The following CCDC175 variants were observed in gnomAD, a reference collection of about 807,000 sequenced individuals.
CCDC175 encodes coiled-coil domain containing 175, also known as coiled-coil domain-containing protein 175.
A neutral mutation model predicts 114.6 loss-of-function variants in CCDC175; 100 were observed. That is an observed-to-expected ratio of 0.87 (90% confidence interval 0.74 to 1.03). The LOEUF (loss-of-function observed/expected upper bound fraction) is 1.03, where lower values mean the gene tolerates loss of function less well. Ranked by LOEUF, CCDC175 falls within the 50% of genes least tolerant of loss-of-function variation. The pLI, the probability that CCDC175 is intolerant of heterozygous loss-of-function variation, is 0.00. For synonymous variants in CCDC175, 306 were observed against 308.7 expected (o/e 0.99, Z 0.09); for missense variants, 880 against 917.8 (o/e 0.96, Z 0.53).
chr14:59,563,648 C>G, intron 6 of CCDC175, 89 bp downstream of exon 6: 1 of 797,096 alleles, frequency 1.3e-6, no homozygotes, highest in Admixed American at 4.4e-5. Flanking sequence ...ATCCTCTCAG[C>G]ATGACATGAA....
chr14:59,570,870 C>T (rs780354510), intron 3 of CCDC175, among the ~76,000 whole-genome samples: 2 of 152,130 alleles, frequency 1.3e-5, no homozygotes, highest in Admixed American at 6.5e-5. Context: ...TCCTGAGTAG[C>T]GGGGACTACA....
At chr14:59,522,241 T>C (rs1357569972) in intron 16 of CCDC175, among the ~76,000 whole-genome samples, 1 of 152,220 alleles carries the variant, frequency 6.6e-6, no homozygotes, top group Non-Finnish European at 1.5e-5. Flanking sequence ...TCTGGAAATA[T>C]GGGCTTTGGG....
Position 59,572,776 on chromosome 14 carries a change from A to T in CCDC175, c.281T>A (p.Ile94Asn). 2.0e-6 allele frequency: 3 copies of T among 1,518,294 alleles called. No individual in the cohort carries two copies. Among genetic ancestry groups the T allele is most frequent in the East Asian group, 2.5e-5 (1 of 39,940 alleles). 94.1% of individuals were successfully genotyped at this position (1,518,294 alleles called of 1,614,324 possible). Residue 94 changes from isoleucine to asparagine, a missense_variant, in exon 3 of 20, where the codon ATT (isoleucine) becomes AAT (asparagine). By Grantham distance (149) the Ile-to-Asn change is moderately radical (BLOSUM62 -3). Transcript: ENST00000537690. ...TAGTTTGTTGAGTTCCATGCTTTCA[A>T]TCTCCAAAAGATCGATTGTGGCTTT... is the stretch of plus-strand genomic sequence containing the variant. Reference protein sequence around the residue: ...MRKATIDLLEIESMELNKLYY... With the variant: ...MRKATIDLLENESMELNKLYY...
chr14:59,558,471 T>C (rs1896046828), intron 7 of CCDC175, among the ~76,000 whole-genome samples: 1 of 152,146 alleles, frequency 6.6e-6, no homozygotes, highest in Non-Finnish European at 1.5e-5. Context: ...ATTCAGCATA[T>C]ATTTTGAATA....
chr14:59,545,066 A>G, intron 9 of CCDC175, 97 bp downstream of exon 9: 1 of 1,196,434 alleles, frequency 8.4e-7, no homozygotes, highest in Non-Finnish European at 1.1e-6. Flanking sequence ...AGATTTTAAA[A>G]CTAGGATAAG....
At chr14:59,544,828 A>T (rs764088762) in intron 9 of CCDC175, among the ~76,000 whole-genome samples, 1 of 152,152 alleles carries the variant, frequency 6.6e-6, no homozygotes, top group Non-Finnish European at 1.5e-5. Flanking sequence ...TAAAAGAAAG[A>T]CACCAGACAG....
At chr14:59,576,151 T>C (rs1014330795) in intron 1 of CCDC175, among the ~76,000 whole-genome samples, 1 of 152,208 alleles carries the variant, frequency 6.6e-6, no homozygotes, top group Non-Finnish European at 1.5e-5. Flanking sequence ...AACAACCCTT[T>C]ACATCTAATT....
chr14:59,552,583 A>C (rs1167957942), intron 7 of CCDC175, among the ~76,000 whole-genome samples: 3 of 152,230 alleles, frequency 2.0e-5, no homozygotes, highest in Non-Finnish European at 4.4e-5. Flanking sequence ...AAAAGAACAC[A>C]GCTCCTCACC....
At chr14:59,561,077 A>G (rs1312109798) in intron 7 of CCDC175, 42 bp downstream of exon 7, 1 of 984,536 alleles carries the variant, frequency 1.0e-6, no homozygotes, top group South Asian at 1.4e-5. Flanking sequence ...TCATATTAAC[A>G]TATCTCGAAA....
At chr14:59,557,985 A>T (rs1224321412) in intron 7 of CCDC175, among the ~76,000 whole-genome samples, 1 of 152,208 alleles carries the variant, frequency 6.6e-6, no homozygotes, top group African/African-American at 2.4e-5. Context: ...AAAGTAGGAT[A>T]AACCATAAAA....
intron 15 of CCDC175, 59 bp downstream of exon 15, chr14:59,527,036 C>G: frequency 1.1e-6 from 1 of 879,438 alleles, no homozygotes; most frequent in East Asian, 3.0e-5. Flanking sequence ...ATACTACCAT[C>G]TGTATATACC....
At chr14:59,545,132 T>C (rs1895024889) in intron 9 of CCDC175, 31 bp downstream of exon 9, 3 of 1,527,004 alleles carry the variant, frequency 2.0e-6, no homozygotes, top group Admixed American at 2.0e-5. Context: ...AATGATGGCA[T>C]GTTGAATCAC....
In CCDC175 at chr14:59,549,387, C is replaced by A. The variant is rs565423278; in HGVS notation, c.1035+1968G>T. ...AATTAGCTGGGCATGGTGTTGAGTG[C>A]CTGTAGTCTCAGCTATTCAGCAGGC... On this transcript the variant is annotated intron_variant, in intron 8 of 19. Transcript: ENST00000537690. Among the ~76,000 whole-genome samples the A allele has an allele frequency of 4.6e-5, 7 of 152,224 alleles. No individual in the cohort carries two copies. The South Asian group carries it at 1.0e-3, about 23-fold the overall frequency.
At chr14:59,508,559 C>G (rs1892572929) in intron 19 of CCDC175, among the ~76,000 whole-genome samples, 1 of 110,094 alleles carries the variant, frequency 9.1e-6, no homozygotes, top group Non-Finnish European at 1.8e-5. Flanking sequence ...GTGAGAGGCC[C>G]TGTCTCAAAA....
chr14:59,521,430 T>G, intron 17 of CCDC175, 144 bp downstream of exon 17: 1 of 547,550 alleles, frequency 1.8e-6, no homozygotes, highest in South Asian at 2.7e-5. Context: ...CTCCTCAACT[T>G]GCAGAAGACC....
chr14:59,524,350 G>A (rs148164655), intron 16 of CCDC175, among the ~76,000 whole-genome samples: 12 of 152,162 alleles, frequency 7.9e-5, no homozygotes, highest in Admixed American at 3.9e-4. Context: ...AATTTTAGGG[G>A]TTGGATGAAC....
intron 16 of CCDC175, among the ~76,000 whole-genome samples, chr14:59,523,292 C>A (rs939223498): frequency 6.6e-6 from 1 of 152,096 alleles, no homozygotes; most frequent in Non-Finnish European, 1.5e-5. Flanking sequence ...GCACAATTAC[C>A]TTTTCAAAGT....
chr14:59,523,067 A>T (rs1301984601), intron 16 of CCDC175, among the ~76,000 whole-genome samples: 3 of 152,244 alleles, frequency 2.0e-5, no homozygotes, highest in Non-Finnish European at 4.4e-5. Context: ...TTTAAAAAAA[A>T]CAGGACTTTC....
At chr14:59,545,707 G>A (rs975415197) in intron 8 of CCDC175, among the ~76,000 whole-genome samples, 4 of 152,018 alleles carry the variant, frequency 2.6e-5, no homozygotes, top group Non-Finnish European at 5.9e-5. Context: ...ATTTCTATTT[G>A]AGGACAAAAA....
Sources: allele counts gnomAD v4.1 joint callset (sites outside exome capture counted in the v4.1 genomes callset), GRCh38; gene constraint gnomAD v4.1.1; transcripts MANE v1.5; gene names NCBI Gene and HGNC (gene_info 2026-07-23, HGNC 2026-07-21).